RARB: variants seen among roughly 807,000 people sequenced by gnomAD.
RARB encodes HBV-activated protein.
In RARB, 17 loss-of-function variants were observed where a neutral mutation model predicts 51.9. The observed-to-expected ratio is 0.33, with a 90% confidence interval of 0.22 to 0.49. The LOEUF is 0.49. Among genes scored for constraint, RARB ranks in the 20% least tolerant of loss-of-function variants. The pLI, the probability that RARB is intolerant of heterozygous loss-of-function variation, is 0.99. For synonymous variants in RARB, 215 were observed against 195.4 expected (o/e 1.10, Z -0.84); for missense variants, 369 against 550.8 (o/e 0.67, Z 3.30).
intron 5 of RARB, among the ~76,000 whole-genome samples, chr3:25,267,737 A>G (rs1018420221): frequency 6.6e-6 from 1 of 152,174 alleles, no homozygotes; most frequent in African/African-American, 2.4e-5. Context: ...GCTATCTGGA[A>G]GTTCATTTTA....
intron 2 of RARB, among the ~76,000 whole-genome samples, chr3:24,909,076 T>C (rs6791253): frequency 0.16 from 23,753 of 152,158 alleles, 3,457 homozygotes; most frequent in East Asian, 0.48. Flanking sequence ...ATTTTTACTT[T>C]TCATGACCCT....
chr3:25,091,387 C>A (rs1699196677), intron 3 of RARB, among the ~76,000 whole-genome samples: 1 of 152,122 alleles, frequency 6.6e-6, no homozygotes, highest in Non-Finnish European at 1.5e-5. Flanking sequence ...TCTTTCCGAG[C>A]TCAGGTGAGT....
intron 5 of RARB, among the ~76,000 whole-genome samples, chr3:25,321,619 AG>A (rs761316235): frequency 3.3e-5 from 5 of 152,072 alleles, no homozygotes; most frequent in Non-Finnish European, 7.4e-5. Flanking sequence ...CGGGAGGCTG[AG>A]GCAGGAGAAT....
chr3:25,191,164 G>A (rs1371787985), intron 5 of RARB, among the ~76,000 whole-genome samples: 2 of 152,020 alleles, frequency 1.3e-5, no homozygotes, highest in South Asian at 4.1e-4. Context: ...AAAAATAGGG[G>A]AAAGTTTTCA....
intron 5 of RARB, among the ~76,000 whole-genome samples, chr3:25,345,139 G>T (rs1705350552): frequency 6.6e-6 from 1 of 152,102 alleles, no homozygotes; most frequent in Non-Finnish European, 1.5e-5. Context: ...CAGACTCAGG[G>T]TCCTAAAGAG....
chr3:24,857,329 C>T (rs574506145), intron 1 of RARB, among the ~76,000 whole-genome samples: 10 of 152,166 alleles, frequency 6.6e-5, no homozygotes, highest in South Asian at 2.1e-4. Flanking sequence ...AGGTGCAACA[C>T]GCTCACTAAA....
At chr3:25,400,667 T>G (rs1314383776) in intron 5 of RARB, among the ~76,000 whole-genome samples, 2 of 152,156 alleles carry the variant, frequency 1.3e-5, no homozygotes, top group Non-Finnish European at 2.9e-5. Context: ...ATTATTTTAT[T>G]CATTTGAAAA....
chr3:24,920,437 A>C (rs770144132), intron 2 of RARB, among the ~76,000 whole-genome samples: 48 of 152,214 alleles, frequency 3.2e-4, no homozygotes, highest in Non-Finnish European at 5.7e-4. Flanking sequence ...TCCCATACCC[A>C]TTTCATCTCC....
intron 2 of RARB, among the ~76,000 whole-genome samples, chr3:24,955,916 G>A (rs940483070): frequency 6.6e-6 from 1 of 152,122 alleles, no homozygotes; most frequent in African/African-American, 2.4e-5. Context: ...GCATAGGGAT[G>A]ACATCCAGTC....
In RARB at chr3:25,138,338, T is replaced by C. The variant is rs563568908; in HGVS notation, c.-280+6130T>C. 2.6e-5 allele frequency among the ~76,000 whole-genome samples: 4 copies of C among 151,744 alleles called. No homozygotes were observed. The East Asian group carries it at 7.7e-4, about 29-fold the overall frequency. ...TTGAAAGCAGCACTATAATTGAGTT[T>C]TTTTTTTTTTTTGGTAGCCAAAGGA... On this transcript the variant is annotated intron_variant, in intron 4 of 11. Coordinates refer to the RARB transcript ENST00000383772.
At chr3:25,003,025 T>C (rs1391624295) in intron 2 of RARB, among the ~76,000 whole-genome samples, 2 of 152,112 alleles carry the variant, frequency 1.3e-5, no homozygotes, top group African/African-American at 4.8e-5. Flanking sequence ...GCAATATAAT[T>C]TAATTATTTC....
intron 1 of RARB, among the ~76,000 whole-genome samples, chr3:25,458,022 G>A (rs1177130893): frequency 6.6e-6 from 1 of 152,182 alleles, no homozygotes; most frequent in African/African-American, 2.4e-5. Context: ...ATCTGGGGAA[G>A]GGGTCACTTA....
intron 3 of RARB, among the ~76,000 whole-genome samples, chr3:25,093,937 A>T (rs1261654543): frequency 1.3e-5 from 2 of 152,158 alleles, no homozygotes; most frequent in Non-Finnish European, 1.5e-5. Context: ...TTTGAGTCAT[A>T]ATAAAACACA....
intron 4 of RARB, among the ~76,000 whole-genome samples, chr3:25,151,295 T>TGTTC (rs1700282969): frequency 6.6e-6 from 1 of 152,216 alleles, no homozygotes; most frequent in African/African-American, 2.4e-5. Context: ...TGACTTTCTT[T>TGTTC]GCATTTCCCT....
intron 3 of RARB, among the ~76,000 whole-genome samples, chr3:25,081,623 T>A (rs10460982): frequency 9.5e-3 from 222 of 23,356 alleles, no homozygotes; most frequent in East Asian, 0.025. Flanking sequence ...ATATATATAT[T>A]TTTTTTTTTT....
At chr3:24,873,382 T>G (rs1702982584) in intron 2 of RARB, among the ~76,000 whole-genome samples, 1 of 152,176 alleles carries the variant, frequency 6.6e-6, no homozygotes, top group East Asian at 1.9e-4. Flanking sequence ...TCAGTTTTAT[T>G]TATATTTAAA....
intron 2 of RARB, among the ~76,000 whole-genome samples, chr3:24,960,891 G>A (rs768176501): frequency 6.6e-6 from 1 of 152,126 alleles, no homozygotes; most frequent in Non-Finnish European, 1.5e-5. Flanking sequence ...TGGTAGGATT[G>A]GGAACAATGA....
At chr3:25,235,245 A>G (rs187126531) in intron 5 of RARB, among the ~76,000 whole-genome samples, 113 of 152,098 alleles carry the variant, frequency 7.4e-4, no homozygotes, top group African/African-American at 2.6e-3. Flanking sequence ...TCTGTCTGAA[A>G]CTCTTCGGCT....
intron 3 of RARB, among the ~76,000 whole-genome samples, chr3:25,087,467 C>CT (rs1310880878): frequency 2.0e-5 from 3 of 152,046 alleles, no homozygotes; most frequent in African/African-American, 7.2e-5. Flanking sequence ...TCATGTCTTC[C>CT]TTGTATAGCC....
Sources: allele counts gnomAD v4.1 joint callset (sites outside exome capture counted in the v4.1 genomes callset), GRCh38; gene constraint gnomAD v4.1.1; transcripts MANE v1.5; gene names NCBI Gene and HGNC (gene_info 2026-07-23, HGNC 2026-07-21).